The following PARD3B variants were observed in gnomAD, a reference collection of about 807,000 sequenced individuals.
PARD3B encodes the protein par-3 family cell polarity regulator beta.
PARD3B carries 103 observed loss-of-function variants against 130.2 expected under a neutral mutation model. The ratio of observed to expected loss-of-function variants is 0.79; its 90% CI spans 0.67 to 0.93. The LOEUF (loss-of-function observed/expected upper bound fraction) is 0.93. PARD3B is among the 40% of genes least tolerant of loss of function. The pLI, the probability that PARD3B is intolerant of heterozygous loss-of-function variation, is 0.00. For synonymous variants in PARD3B, 583 were observed against 553.2 expected (o/e 1.05, Z -0.76); for missense variants, 1,609 against 1,499.2 (o/e 1.07, Z -1.21).
At chr2:205,079,773 A>C (rs1422212900) in intron 4 of PARD3B, among the ~76,000 whole-genome samples, 1 of 151,380 alleles carries the variant, frequency 6.6e-6, no homozygotes, top group Non-Finnish European at 1.5e-5. Flanking sequence ...ATCTTAACCA[A>C]AAAACATTTA....
chr2:205,008,828 G>A (rs1206348695), intron 3 of PARD3B, among the ~76,000 whole-genome samples: 1 of 152,162 alleles, frequency 6.6e-6, no homozygotes, highest in Admixed American at 6.5e-5. Context: ...GACAATCTGT[G>A]TGTCAAAGAG....
intron 2 of PARD3B, among the ~76,000 whole-genome samples, chr2:204,916,489 A>G (rs1478172810): frequency 6.6e-6 from 1 of 152,228 alleles, no homozygotes; most frequent in Non-Finnish European, 1.5e-5. Flanking sequence ...AGTCCAATTT[A>G]TATGGTAGCA....
rs34768923 is a variant in PARD3B at position 204,869,069 on chromosome 2, A to AT, written c.223-96077dup. ...TTTGTAGGCTGTTTGAGGTTGATGT[A>AT]TTTTTTCCTTTTAAAGGTTTTTGTT... On this transcript the variant is annotated intron_variant, in intron 2 of 22. Transcript: ENST00000406610. 5.2e-3 allele frequency among the ~76,000 whole-genome samples: 794 copies of AT among 152,092 alleles called. 3 individuals carry two copies. The highest frequency in any genetic ancestry group is 8.5e-3 in the Non-Finnish European group (581 of 67,976).
At chr2:204,574,595 C>G (rs1011102964) in intron 1 of PARD3B, among the ~76,000 whole-genome samples, 2 of 152,180 alleles carry the variant, frequency 1.3e-5, no homozygotes, top group African/African-American at 2.4e-5. Flanking sequence ...GAAGTACAAG[C>G]TCTGCCATAT....
intron 4 of PARD3B, among the ~76,000 whole-genome samples, chr2:205,057,601 A>AGATGTG (rs1699778365): frequency 1.4e-5 from 1 of 73,632 alleles, no homozygotes; most frequent in African/African-American, 5.2e-5. Context: ...ATATATACAT[A>AGATGTG]TATGTGTATG....
At chr2:205,306,048 C>G (rs971153201) in intron 18 of PARD3B, among the ~76,000 whole-genome samples, 1 of 152,102 alleles carries the variant, frequency 6.6e-6, no homozygotes. Context: ...CACAAGGAGC[C>G]TTAAAGTAAA....
chr2:204,686,022 AT>A (rs146116798), intron 1 of PARD3B, among the ~76,000 whole-genome samples, 158 bp from the exon 2 acceptor site: 1 of 152,152 alleles, frequency 6.6e-6, no homozygotes, highest in Non-Finnish European at 1.5e-5. Context: ...AATGCCAAGT[AT>A]TTTTTTCCAA....
intron 2 of PARD3B, among the ~76,000 whole-genome samples, chr2:204,910,941 C>T (rs2047213604): frequency 6.6e-6 from 1 of 152,262 alleles, no homozygotes; most frequent in East Asian, 1.9e-4. Flanking sequence ...CGCGCCCGGC[C>T]AAGATTAATA....
chr2:204,553,805 C>G (rs1400526765), intron 1 of PARD3B, among the ~76,000 whole-genome samples: 8 of 150,494 alleles, frequency 5.3e-5, no homozygotes, highest in African/African-American at 2.0e-4. Flanking sequence ...AGTGAAGTAA[C>G]TCAGGAATGG....
chr2:205,544,547 G>A (rs907360709), intron 21 of PARD3B, among the ~76,000 whole-genome samples: 2 of 152,038 alleles, frequency 1.3e-5, no homozygotes, highest in Non-Finnish European at 2.9e-5. Context: ...CTGTATCTTA[G>A]GCCCAGACAC....
At chr2:204,635,167 C>T (rs1293802319) in intron 1 of PARD3B, among the ~76,000 whole-genome samples, 3 of 152,144 alleles carry the variant, frequency 2.0e-5, no homozygotes, top group Non-Finnish European at 4.4e-5. Flanking sequence ...GACAGGATCT[C>T]AACAGTCTTT....
chr2:204,958,391 C>T (rs1435921055), intron 2 of PARD3B, among the ~76,000 whole-genome samples: 2 of 152,140 alleles, frequency 1.3e-5, no homozygotes, highest in Non-Finnish European at 1.5e-5. Flanking sequence ...TGGCAAAGAC[C>T]AGACAGCACA....
intron 21 of PARD3B, among the ~76,000 whole-genome samples, chr2:205,506,054 G>A (rs1177091955): frequency 6.6e-6 from 1 of 152,174 alleles, no homozygotes; most frequent in Non-Finnish European, 1.5e-5. Context: ...CATGGTGCTG[G>A]CCGGGCACAG....
At chr2:205,242,371 G>C (rs1033327887) in intron 15 of PARD3B, among the ~76,000 whole-genome samples, 6 of 152,176 alleles carry the variant, frequency 3.9e-5, no homozygotes, top group African/African-American at 1.4e-4. Context: ...CAGGGAATTT[G>C]CAAGTACTTA....
chr2:205,460,177 G>A lies in PARD3B; in HGVS notation c.3044+19505G>A, dbSNP rs1045971164. ...TAATTCACTAGAAAACATTTAAAAT[G>A]TAAAGCAATAGACTTCAGTAGTAAT... On this transcript the variant is annotated intron_variant, in intron 20 of 22. Coordinates refer to ENST00000406610, the MANE Select transcript of PARD3B (RefSeq NM_001302769.2). The surrounding 1 kb of genome is among the most constrained non-coding windows in gnomAD (Gnocchi z 4.9). 6.6e-6 allele frequency among the ~76,000 whole-genome samples: 1 copy of A among 152,150 alleles called. No individual in the cohort carries two copies. The highest frequency in any genetic ancestry group is 2.4e-5 in the African/African-American group (1 of 41,428).
intron 1 of PARD3B, among the ~76,000 whole-genome samples, chr2:204,632,401 T>C (rs2034710510): frequency 6.6e-6 from 1 of 152,332 alleles, no homozygotes; most frequent in East Asian, 1.9e-4. Context: ...TTCAGTGTTC[T>C]TGCGCTGATT....
chr2:204,808,464 G>GT (rs1226943406), intron 2 of PARD3B, among the ~76,000 whole-genome samples: 2 of 152,124 alleles, frequency 1.3e-5, no homozygotes, highest in East Asian at 3.9e-4. Context: ...CCCAATAGCT[G>GT]TTTTTTTCTG....
chr2:205,579,701 G>T (rs757615541), intron 22 of PARD3B, among the ~76,000 whole-genome samples: 1 of 152,180 alleles, frequency 6.6e-6, no homozygotes, highest in Non-Finnish European at 1.5e-5. Flanking sequence ...ACAGTTAAAG[G>T]ATTCCCTTTT....
chr2:204,713,614 G>A (rs558761640), intron 2 of PARD3B, among the ~76,000 whole-genome samples: 2 of 151,922 alleles, frequency 1.3e-5, no homozygotes, highest in African/African-American at 4.8e-5. Flanking sequence ...TTGTGTCTTT[G>A]AATTTGGCTA....
Sources: gnomAD v4.1 joint callset for allele counts (sites outside exome capture counted in the v4.1 genomes callset) on GRCh38, gnomAD v4.1.1 for gene constraint, Gnocchi (gnomAD v3.1) non-coding constraint, MANE v1.5 for transcripts, NCBI Gene and HGNC (gene_info 2026-07-23, HGNC 2026-07-21) for gene names.